The following ZNF160 variants were observed in gnomAD, a reference collection of about 807,000 sequenced individuals.
ZNF160 encodes KRAB zinc finger protein KR18.
A neutral mutation model predicts 13.1 loss-of-function variants in ZNF160; 9 were observed. That is an observed-to-expected ratio of 0.69 (90% CI 0.41 to 1.20). ZNF160 has a LOEUF of 1.20. Ranked by LOEUF, ZNF160 falls within the 50% of genes most tolerant of loss-of-function variation. The pLI, the probability that ZNF160 is intolerant of heterozygous loss-of-function variation, is 0.01. For synonymous variants in ZNF160, 293 were observed against 333.2 expected (o/e 0.88, Z 1.31); for missense variants, 838 against 988.0 (o/e 0.85, Z 2.04).
chr19:53,086,002 A>G (rs1471909763), intron 3 of ZNF160: 38 of 1,395,228 alleles, frequency 2.7e-5, no homozygotes, highest in Non-Finnish European at 3.5e-5. Flanking sequence ...CTGACACCAC[A>G]GGACCCTCAC....
chr19:53,098,041 G>A (rs1044103362), intron 1 of ZNF160, among the ~76,000 whole-genome samples: 3 of 152,134 alleles, frequency 2.0e-5, no homozygotes, highest in African/African-American at 7.2e-5. Flanking sequence ...ATGAGTTTCC[G>A]AATTAAATTC....
At chr19:53,075,454 C>T in intron 3 of ZNF160, 2 of 387,704 alleles carry the variant, frequency 5.2e-6, no homozygotes, top group South Asian at 2.3e-5. Flanking sequence ...GGATGGAGGG[C>T]GGTCACCGGA....
chr19:53,068,651 T>G lies in ZNF160; in HGVS notation c.1883A>C (p.Lys628Thr). 6.2e-7 allele frequency: 1 copy of G among 1,613,980 alleles called. No homozygotes were observed. Among genetic ancestry groups the G allele is most frequent in the Non-Finnish European group, 8.5e-7 (1 of 1,180,008 alleles). The change falls in exon 6 of 6, where the codon AAG (lysine) becomes ACG (threonine). Residue 628 changes from lysine (K) to threonine (T), a missense_variant. By Grantham distance (78) the Lys-to-Thr change is moderately conservative. Coordinates refer to ENST00000683776, the MANE Select transcript of ZNF160 (RefSeq NM_001322131.2). ...EKPYKCHECGKVFRHNSYLAT... is the reference protein window; with the variant it reads ...EKPYKCHECGTVFRHNSYLAT... ...AAGGTATGAATTGTGCCTAAAAACC[T>G]TGCCGCATTCATGACATTTGTAAGG...
chr19:53,083,862 G>A (rs1259381042), intron 3 of ZNF160, among the ~76,000 whole-genome samples: 2 of 152,230 alleles, frequency 1.3e-5, no homozygotes, highest in Non-Finnish European at 2.9e-5. Context: ...AGCCATGACT[G>A]TACTGTAACC....
intron 1 of ZNF160, among the ~76,000 whole-genome samples, chr19:53,096,829 G>T (rs1266130914): frequency 2.3e-5 from 3 of 128,978 alleles, no homozygotes; most frequent in African/African-American, 6.0e-5. Flanking sequence ...AACGGGGAAA[G>T]GGAGAAGCGT....
chr19:53,071,090 G>A (rs2084156108), intron 5 of ZNF160, among the ~76,000 whole-genome samples: 1 of 152,126 alleles, frequency 6.6e-6, no homozygotes, highest in Non-Finnish European at 1.5e-5. Flanking sequence ...CAGCTTCTCA[G>A]GAGGCTGAGG....
chr19:53,087,701 C>T (rs2084893954), intron 2 of ZNF160, among the ~76,000 whole-genome samples: 3 of 152,176 alleles, frequency 2.0e-5, no homozygotes, highest in Non-Finnish European at 2.9e-5. Flanking sequence ...CAGGCGCCCG[C>T]CACCACGCCC....
rs768190329 is a variant in ZNF160, at chr19:53,069,623, T to C, written c.911A>G (p.Gln304Arg). ...FTVRSNLTIH[Q>R]VIHTGEKPYK... Reference sequence around the variant, plus strand: ...AGGTTTTTCTCCAGTATGGATGACCTGATGAATAGTTAGATTTGAACGAAC... The same window carrying C: ...AGGTTTTTCTCCAGTATGGATGACCCGATGAATAGTTAGATTTGAACGAAC... Residue 304 changes from glutamine to arginine, a missense_variant, in exon 6 of 6, where the codon CAG (glutamine) becomes CGG (arginine). Gln to Arg is a conservative substitution (Grantham distance 43). This residue lies in a region of ZNF160 where 387 missense variants were observed against 402.3 expected (regional missense o/e 0.96). Transcript: ENST00000683776. This position sits in a 1 kb window ranked among gnomAD's most constrained non-coding sequence, Gnocchi z 4.4. The C allele has an allele frequency of 3.7e-6, 6 of 1,614,204 alleles. No individual in the cohort carries two copies. In the South Asian group the frequency reaches 6.6e-5, roughly 18 times the overall value.
chr19:53,073,767 G>T (rs1241115386), intron 5 of ZNF160, among the ~76,000 whole-genome samples: 1 of 151,928 alleles, frequency 6.6e-6, no homozygotes, highest in Admixed American at 6.6e-5. Flanking sequence ...TCTCTCATCT[G>T]CAGAGAGTTT....
chr19:53,093,090 G>T (rs2085094649), intron 1 of ZNF160, among the ~76,000 whole-genome samples: 1 of 152,146 alleles, frequency 6.6e-6, no homozygotes, highest in Admixed American at 6.5e-5. Context: ...GAGTTTAAAT[G>T]CTTATACATT....
In ZNF160 at chr19:53,067,861, CAA is replaced by C; in HGVS notation, c.*214_*215del. ...GCATATTACATTTGTTTCGTTTCAT[CAA>C]AGATATAAATCTTGATGCCTAGTAA... On this transcript the variant is annotated 3_prime_UTR_variant, in exon 6 of 6. Transcript: ENST00000683776. The C allele has an allele frequency of 1.8e-6, 1 of 551,284 alleles. No homozygotes were observed. The highest frequency in any genetic ancestry group is 3.0e-6 in the Non-Finnish European group (1 of 334,600). 34.1% of individuals were successfully genotyped at this position (551,284 alleles called of 1,614,324 possible).
Position 53,075,127 on chromosome 19 carries a change from G to A in ZNF160, c.72C>T (p.Cys24=), listed in dbSNP as rs1280464103. ...ATAAGATCCTCTGAGCAGGGTCCAG[G>A]CATTTCCACTCCTCCTGAGAGAATT... ...AIEFSQEEWK[C]LDPAQRILYR... The change falls in exon 4 of 6, where the codon TGC becomes TGT. Residue 24 remains cysteine (C), a synonymous_variant. Transcript: ENST00000683776. 1.9e-6 allele frequency: 3 copies of A among 1,614,010 alleles called. No homozygotes were observed. The highest frequency in any genetic ancestry group is 2.5e-6 in the Non-Finnish European group (3 of 1,180,030).
In ZNF160 at chr19:53,069,976, A is replaced by G; in HGVS notation, c.558T>C (p.His186=). The G allele has an allele frequency of 1.2e-6, 2 of 1,614,134 alleles. No individual in the cohort carries two copies. Among genetic ancestry groups the G allele is most frequent in the Middle Eastern group, 1.6e-4 (1 of 6,062 alleles). The change falls in exon 6 of 6, where the codon CAT becomes CAC. Residue 186 remains histidine (H), a synonymous_variant. Transcript: ENST00000683776. This position sits in a 1 kb window ranked among gnomAD's most constrained non-coding sequence, Gnocchi z 4.4. ...LMNNQLGVSF[H]SHLPELQLFQ... ...ATAGCTGCAGTTCAGGCAGATGAGA[A>G]TGAAAGCTTACTCCAAGCTGATTGT...
intron 3 of ZNF160, among the ~76,000 whole-genome samples, chr19:53,084,129 G>C (rs1316574283): frequency 6.6e-6 from 1 of 152,074 alleles, no homozygotes; most frequent in Non-Finnish European, 1.5e-5. Flanking sequence ...CCAAAGTCCT[G>C]CTACAAAACT....
chr19:53,085,085 C>T, intron 3 of ZNF160: 1 of 851,472 alleles, frequency 1.2e-6, no homozygotes, highest in Non-Finnish European at 1.4e-6. Flanking sequence ...TCCACAAGTG[C>T]TGGGATTACA....
chr19:53,077,927 T>C (rs1299420205), intron 3 of ZNF160, among the ~76,000 whole-genome samples: 2 of 151,892 alleles, frequency 1.3e-5, no homozygotes, highest in Non-Finnish European at 2.9e-5. Flanking sequence ...ATTCTAGAGC[T>C]GAAAAACATA....
At position 53,068,684 on chromosome 19, in the gene ZNF160, C is replaced by G. The variant is rs1306564731; in HGVS notation, c.1850G>C (p.Gly617Ala). The G allele has an allele frequency of 1.2e-6, 2 of 1,614,024 alleles. No homozygotes were observed. Among genetic ancestry groups the G allele is most frequent in the Non-Finnish European group, 1.7e-6 (2 of 1,180,054 alleles). Residue 617 changes from glycine to alanine, a missense_variant, in exon 6 of 6, where the codon GGA (glycine) becomes GCA (alanine). This residue lies in a region of ZNF160 where 400 missense variants were observed against 538.9 expected (regional missense o/e 0.74). Coordinates refer to ENST00000683776, the MANE Select transcript of ZNF160 (RefSeq NM_001322131.2). Reference protein sequence around the residue: ...SLTFHQAIHTGEKPYKCHECG... With the variant: ...SLTFHQAIHTAEKPYKCHECG... ...TTCATGACATTTGTAAGGTTTCTCT[C>G]CAGTATGTATTGCCTGATGAAAAGT...
chr19:53,101,174 G>T (rs1456044507), intron 1 of ZNF160, among the ~76,000 whole-genome samples: 1 of 152,118 alleles, frequency 6.6e-6, no homozygotes, highest in African/African-American at 2.4e-5. Flanking sequence ...CAGCTAGTTG[G>T]AAGGCTGAGG....
intron 5 of ZNF160, among the ~76,000 whole-genome samples, chr19:53,071,099 G>A (rs1297566639): frequency 6.6e-6 from 1 of 152,186 alleles, no homozygotes; most frequent in African/African-American, 2.4e-5. Context: ...AGGAGGCTGA[G>A]GCAGGAGAAT....
Sources: gnomAD v4.1 joint callset for allele counts (sites outside exome capture counted in the v4.1 genomes callset) on GRCh38, gnomAD v4.1.1 for gene constraint, gnomAD v4.1.1 regional missense constraint, Gnocchi (gnomAD v3.1) non-coding constraint, MANE v1.5 for transcripts, NCBI Gene and HGNC (gene_info 2026-07-23, HGNC 2026-07-21) for gene names.